FLYWCH2: variants seen among roughly 807,000 people sequenced by gnomAD.
The protein encoded by FLYWCH2 is FLYWCH family member 2.
A neutral mutation model predicts 6.0 loss-of-function variants in FLYWCH2; 2 were observed. The observed-to-expected ratio is 0.33, with a 90% CI of 0.14 to 1.04. The LOEUF (loss-of-function observed/expected upper bound fraction) is 1.04, where lower values mean the gene tolerates loss of function less well. FLYWCH2 is among the 50% of genes least tolerant of loss of function. The pLI, the probability that FLYWCH2 is intolerant of heterozygous loss-of-function variation, is 0.45. For missense variants in FLYWCH2, 192 were observed against 183.4 expected, an observed-to-expected ratio of 1.05 and a Z score of -0.27; for synonymous variants, 87 against 79.3, an observed-to-expected ratio of 1.10 and a Z score of -0.52.
At chr16:2,894,629 G>A (rs528388749) in intron 1 of FLYWCH2, among the ~76,000 whole-genome samples, 4 of 152,324 alleles carry the variant, frequency 2.6e-5, no homozygotes, top group African/African-American at 9.6e-5. Context: ...CGGATAACGC[G>A]ACCCCGATCC....
intron 2 of FLYWCH2, among the ~76,000 whole-genome samples, chr16:2,895,770 A>G (rs1375057513): frequency 3.3e-5 from 5 of 152,196 alleles, no homozygotes; most frequent in Non-Finnish European, 7.3e-5. Flanking sequence ...CCCTGTGACA[A>G]CACAAACTGA....
chr16:2,887,392 C>T (rs2069711205), intron 1 of FLYWCH2, among the ~76,000 whole-genome samples: 1 of 148,086 alleles, frequency 6.8e-6, no homozygotes, highest in South Asian at 2.1e-4. Context: ...AACTCCCGAG[C>T]TGAAGAGATC....
intron 1 of FLYWCH2, among the ~76,000 whole-genome samples, chr16:2,885,343 A>AC (rs72529004): frequency 9.6e-5 from 5 of 52,258 alleles, no homozygotes; most frequent in East Asian, 3.0e-4. Flanking sequence ...ACAAAAAAAA[A>AC]AATATACAGT....
rs2069819260 is a variant in FLYWCH2 at position 2,896,371 on chromosome 16, A to T, written c.-79A>T. 2.0e-6 allele frequency: 3 copies of T among 1,490,160 alleles called. No homozygotes were observed. The East Asian group carries it at 7.0e-5, about 35-fold the overall frequency. 92.3% of individuals were successfully genotyped at this position (1,490,160 alleles called of 1,614,324 possible). ...CCTTAGGACGGAACCGCTGGACTCC[A>T]GGTTCCTTGCCTGGGAGTAGGAGAA... On this transcript the variant is annotated 5_prime_UTR_variant, in exon 3 of 4. Transcript: ENST00000396958.
chr16:2,893,634 CTTTTT>C lies in FLYWCH2; in HGVS notation c.-199-1569_-199-1565del, dbSNP rs35147234. Among the ~76,000 whole-genome samples the C allele has an allele frequency of 4.3e-4, 48 of 111,912 alleles. 1 individual carries two copies. The highest frequency in any genetic ancestry group is 2.3e-3 in the South Asian group (7 of 3,022). The allele number at this position is 111,912 out of a possible 152,430, so 73.4% of individuals were successfully genotyped here. On this transcript the variant is annotated intron_variant, in intron 1 of 3. Coordinates refer to ENST00000396958, the MANE Select transcript of FLYWCH2 (RefSeq NM_138439.3). ...CACTTTGGGGCCCTTTTCTTTTCTT[CTTTTT>C]TTTTTTTTTTTTTTTTGAAACGGAT...
At chr16:2,885,191 A>G (rs1025499289) in intron 1 of FLYWCH2, among the ~76,000 whole-genome samples, 30 of 151,908 alleles carry the variant, frequency 2.0e-4, no homozygotes, top group Middle Eastern at 3.4e-3. Context: ...GCGTGGTGGC[A>G]GGCGCCTGTA....
intron 3 of FLYWCH2, 61 bp downstream of exon 3, chr16:2,896,832 C>G: frequency 2.7e-6 from 4 of 1,468,976 alleles, no homozygotes; most frequent in Non-Finnish European, 3.7e-6. Context: ...CCCCCACAGC[C>G]GCGCTGGCTC....
intron 3 of FLYWCH2, 108 bp downstream of exon 3, chr16:2,896,879 C>G (rs1016501903): frequency 4.5e-6 from 5 of 1,105,574 alleles, no homozygotes; most frequent in Non-Finnish European, 6.4e-6. Flanking sequence ...GGTCCTTGTT[C>G]CCTGACTTTG....
At chr16:2,893,860 G>A (rs928985664) in intron 1 of FLYWCH2, among the ~76,000 whole-genome samples, 39 of 151,780 alleles carry the variant, frequency 2.6e-4, no homozygotes, top group African/African-American at 8.7e-4. Flanking sequence ...GGATGGTCTC[G>A]ATCTCCTGAC....
chr16:2,885,006 T>C (rs557997163), intron 1 of FLYWCH2, among the ~76,000 whole-genome samples: 1 of 152,002 alleles, frequency 6.6e-6, no homozygotes, highest in East Asian at 1.9e-4. Context: ...ATAATTCACA[T>C]ACCGTGCAAT....
intron 1 of FLYWCH2, among the ~76,000 whole-genome samples, chr16:2,887,747 T>A (rs749462689): frequency 5.3e-5 from 8 of 151,674 alleles, no homozygotes; most frequent in Non-Finnish European, 1.2e-4. Flanking sequence ...TAATATTTTT[T>A]TTAGAGATGA....
chr16:2,891,656 T>G (rs2069759381), intron 1 of FLYWCH2, among the ~76,000 whole-genome samples: 1 of 151,952 alleles, frequency 6.6e-6, no homozygotes, highest in Non-Finnish European at 1.5e-5. Context: ...CCACCCGCCT[T>G]GCCTCCCAAA....
chr16:2,886,760 A>G (rs1334857485), intron 1 of FLYWCH2, among the ~76,000 whole-genome samples: 2 of 151,850 alleles, frequency 1.3e-5, no homozygotes, highest in African/African-American at 4.8e-5. Context: ...ACCTCAGATG[A>G]TCCACCTGCC....
At chr16:2,892,455 C>A (rs1159502485) in intron 1 of FLYWCH2, among the ~76,000 whole-genome samples, 1 of 151,572 alleles carries the variant, frequency 6.6e-6, no homozygotes, top group Admixed American at 6.6e-5. Context: ...AAGATCACAC[C>A]ACTGCACTCC....
intron 1 of FLYWCH2, among the ~76,000 whole-genome samples, chr16:2,893,936 C>T (rs1177276244): frequency 6.6e-6 from 1 of 151,972 alleles, no homozygotes; most frequent in African/African-American, 2.4e-5. Context: ...CCGCGCCCGG[C>T]CCCTTTGGGG....
rs748885377 is a variant in FLYWCH2, at chr16:2,896,623, G to A, written c.174G>A (p.Lys58=). 1.1e-5 allele frequency: 18 copies of A among 1,613,926 alleles called. 1 individual carries two copies. Among genetic ancestry groups the A allele is most frequent in the Non-Finnish European group, 1.5e-5 (18 of 1,179,990 alleles). Residue 58 remains lysine, a synonymous_variant, in exon 3 of 4, where the codon AAG becomes AAA. Transcript: ENST00000396958. ...SKDSTKVAGA[K]RKGVHCVMSL... ...ACAGCACCAAGGTGGCGGGGGCCAA[G>A]CGCAAGGGTGTGCACTGTGTCATGT...
At chr16:2,884,702 C>G (rs929538554) in intron 1 of FLYWCH2, among the ~76,000 whole-genome samples, 1 of 151,164 alleles carries the variant, frequency 6.6e-6, no homozygotes, top group Admixed American at 6.6e-5. Context: ...TGGAGAAACC[C>G]CGTCTCAACT....
At chr16:2,885,732 G>T (rs1355264948) in intron 1 of FLYWCH2, among the ~76,000 whole-genome samples, 1 of 152,074 alleles carries the variant, frequency 6.6e-6, no homozygotes, top group Non-Finnish European at 1.5e-5. Context: ...ATGGATATTT[G>T]GGCTGTTTTG....
chr16:2,884,451 G>C (rs921210608), intron 1 of FLYWCH2, among the ~76,000 whole-genome samples: 3 of 150,014 alleles, frequency 2.0e-5, no homozygotes, highest in African/African-American at 7.4e-5. Context: ...GGCCGGGCGC[G>C]GTGGTTCACG....
Sources: gnomAD v4.1 joint callset for allele counts (sites outside exome capture counted in the v4.1 genomes callset) on GRCh38, gnomAD v4.1.1 for gene constraint, MANE v1.5 for transcripts, NCBI Gene and HGNC (gene_info 2026-07-23, HGNC 2026-07-21) for gene names.